The following GLP1R variants were observed in gnomAD, a reference collection of about 807,000 sequenced individuals.
GLP1R encodes the protein glucagon like peptide 1 receptor.
GLP1R carries 32 observed loss-of-function variants against 68.4 expected under a neutral mutation model. That is an observed-to-expected ratio of 0.47 (90% confidence interval 0.35 to 0.63). GLP1R has a LOEUF of 0.63. Among genes scored for constraint, GLP1R ranks in the 20% least tolerant of loss-of-function variants. The pLI is 0.00. For missense variants in GLP1R, 502 were observed against 594.9 expected (o/e 0.84, Z 1.62); for synonymous variants, 263 against 244.4 (o/e 1.08, Z -0.71).
At chr6:39,053,894 C>G (rs1229257791) in intron 1 of GLP1R, among the ~76,000 whole-genome samples, 2 of 152,126 alleles carry the variant, frequency 1.3e-5, no homozygotes, top group Non-Finnish European at 2.9e-5. Context: ...ACCACTCTCT[C>G]CCTGCCCCAA....
rs766554045 is a variant in GLP1R at position 39,079,065 on chromosome 6, T to A, written c.954+39T>A. 5.0e-6 allele frequency: 8 copies of A among 1,609,394 alleles called. No individual in the cohort carries two copies. Among genetic ancestry groups the A allele is most frequent in the Non-Finnish European group, 6.8e-6 (8 of 1,175,666 alleles). On this transcript the variant is annotated intron_variant, in intron 9 of 12. Transcript: ENST00000373256. The surrounding 1 kb of genome is among the most constrained non-coding windows in gnomAD (Gnocchi z 4.5). ...TCAGGGATGGGAGTGGCAGCTATGA[T>A]AGGGCTGGGCTGGTGCCCCCTGCCA...
rs764996147 is a variant in GLP1R at position 39,066,286 on chromosome 6, G to A, written c.492G>A (p.Ala164=). Residue 164 remains alanine (A), a synonymous_variant, in exon 5 of 13, where the codon GCG becomes GCA. Coordinates refer to ENST00000373256, the MANE Select transcript of GLP1R (RefSeq NM_002062.5). ...TCTCTGCTCTGGTTATCGCCTCTGC[G>A]ATCCTCCTCGGCTTCAGGTAAGGTG... ...LSFSALVIAS[A]ILLGFRHLHC... is the part of the protein sequence containing the mutation. The A allele has an allele frequency of 2.3e-5, 37 of 1,607,796 alleles. 1 individual carries two copies. Among genetic ancestry groups the A allele is most frequent in the South Asian group, 2.2e-4 (20 of 90,968 alleles).
intron 3 of GLP1R, among the ~76,000 whole-genome samples, chr6:39,060,884 C>A (rs1407514530): frequency 6.6e-6 from 1 of 152,132 alleles, no homozygotes. Flanking sequence ...GAAGGGGTAA[C>A]CCCCCTCCAT....
At position 39,066,073 on chromosome 6, in the gene GLP1R, G is replaced by A. The variant is rs1768502922; in HGVS notation, c.403-124G>A. 2.7e-5 allele frequency: 17 copies of A among 631,926 alleles called. No individual in the cohort carries two copies. In the South Asian group the frequency reaches 3.3e-4, roughly 12 times the overall value. 39.1% of individuals were successfully genotyped at this position (631,926 alleles called of 1,614,324 possible). A position where few individuals can be genotyped will look rare whatever the true frequency, so the allele number is the denominator to read the frequency against. On this transcript the variant is annotated intron_variant, in intron 4 of 12. Transcript: ENST00000373256. Reference sequence around the variant, plus strand: ...TAGGTTACGGTTATTCTCTTTCTTGGTCTTGGTATCCCCGGTGAGTCCTGA... The same window carrying A: ...TAGGTTACGGTTATTCTCTTTCTTGATCTTGGTATCCCCGGTGAGTCCTGA...
rs1768032592 is a variant in GLP1R at position 39,049,273 on chromosome 6, G to A, written c.78+355G>A. Among the ~76,000 whole-genome samples the A allele has an allele frequency of 1.3e-5, 2 of 152,188 alleles. No homozygotes were observed. Among genetic ancestry groups the A allele is most frequent in the African/African-American group, 4.8e-5 (2 of 41,526 alleles). ...CCAACTCCTTCTAAACCGTGTCAGC[G>A]GCCCTGGCACAGCCCGGCATCCTCC... On this transcript the variant is annotated intron_variant, in intron 1 of 12. Coordinates refer to ENST00000373256, the MANE Select transcript of GLP1R (RefSeq NM_002062.5). The surrounding 1 kb of genome is among the most constrained non-coding windows in gnomAD (Gnocchi z 4.5).
intron 12 of GLP1R, among the ~76,000 whole-genome samples, chr6:39,082,935 C>T (rs763059144): frequency 6.6e-6 from 1 of 152,144 alleles, no homozygotes. Context: ...TGGCTTCCCC[C>T]CCGCCATTGT....
At chr6:39,085,860 A>G (rs1203733174) in intron 12 of GLP1R, 46 bp from the exon 13 acceptor site, 1 of 1,593,346 alleles carries the variant, frequency 6.3e-7, no homozygotes, top group South Asian at 1.1e-5. Context: ...TTTGTTAGCC[A>G]TTGGTTTGCA....
Position 39,087,377 on chromosome 6 carries a change from G to A in GLP1R, c.*1304G>A, listed in dbSNP as rs1427127871. 1 of 152,276 alleles carries A rather than the reference G, an allele frequency of 6.6e-6. No homozygotes were observed. Among genetic ancestry groups the A allele is most frequent in the Non-Finnish European group, 1.5e-5 (1 of 68,090 alleles). The allele number at this position is 152,276 out of a possible 1,614,324, so 9.4% of individuals were successfully genotyped here. A position where few individuals can be genotyped will look rare whatever the true frequency, so the allele number is the denominator to read the frequency against. On this transcript the variant is annotated 3_prime_UTR_variant, in exon 13 of 13. Coordinates refer to ENST00000373256, the MANE Select transcript of GLP1R (RefSeq NM_002062.5). ...ACAAATAATGAACAGCAGAAAGACTGGACGGGGAAACCTATCAATCCTGCC... is the reference window on the plus strand; with the variant it reads ...ACAAATAATGAACAGCAGAAAGACTAGACGGGGAAACCTATCAATCCTGCC...
Position 39,088,673 on chromosome 6 carries a change from C to T in GLP1R, c.*2600C>T, listed in dbSNP as rs151091465. ...ATTTCAGTCTTTCAAGCAGCTGAAT[C>T]GCAGAACTGAAACAAAACACTTATA... On this transcript the variant is annotated 3_prime_UTR_variant, in exon 13 of 13. Coordinates refer to ENST00000373256, the MANE Select transcript of GLP1R (RefSeq NM_002062.5). Among the ~76,000 whole-genome samples the T allele has an allele frequency of 1.0e-3, 156 of 152,320 alleles. No individual in the cohort carries two copies. Among genetic ancestry groups the T allele is most frequent in the African/African-American group, 3.6e-3 (149 of 41,566 alleles).
rs200552677 is a variant in GLP1R, at chr6:39,073,756, G to C, written c.810G>C (p.Val270=). Reference sequence around the variant, plus strand: ...AGCAATGGATCTTCAGGCTCTACGTGAGCATAGGCTGGGGTAAGAACCGCC... The same window carrying C: ...AGCAATGGATCTTCAGGCTCTACGTCAGCATAGGCTGGGGTAAGAACCGCC... The part of the protein sequence containing the change: ...LSEQWIFRLY[V]SIGWGVPLLF... The change falls in exon 7 of 13, where the codon GTG becomes GTC. Residue 270 remains valine, a synonymous_variant. Coordinates refer to ENST00000373256, the MANE Select transcript of GLP1R (RefSeq NM_002062.5). The C allele has an allele frequency of 1.6e-5, 26 of 1,613,954 alleles. No individual in the cohort carries two copies. The highest frequency in any genetic ancestry group is 2.2e-5 in the Non-Finnish European group (26 of 1,179,946).
chr6:39,055,915 G>A (rs574926253), intron 1 of GLP1R, among the ~76,000 whole-genome samples: 2 of 152,164 alleles, frequency 1.3e-5, no homozygotes, highest in South Asian at 4.2e-4. Flanking sequence ...TGCTTCCTGG[G>A]GGGGCTGTGC....
chr6:39,056,387 C>T lies in GLP1R; in HGVS notation c.79-10C>T. The T allele has an allele frequency of 1.3e-6, 2 of 1,514,750 alleles. No homozygotes were observed. The highest frequency in any genetic ancestry group is 1.8e-6 in the Non-Finnish European group (2 of 1,090,692). 93.8% of individuals were successfully genotyped at this position (1,514,750 alleles called of 1,614,324 possible). A position where few individuals can be genotyped will look rare whatever the true frequency, so the allele number is the denominator to read the frequency against. ...AACCCACAGGCCTCCCATATATGCC[C>T]TCCCCCCAGGGTGCCACTGTGTCCC... On this transcript the variant is annotated splice_polypyrimidine_tract_variant and intron_variant, in intron 1 of 12. Transcript: ENST00000373256.
chr6:39,065,663 G>A, intron 3 of GLP1R, 48 bp from the exon 4 acceptor site: 2 of 1,218,786 alleles, frequency 1.6e-6, no homozygotes, highest in East Asian at 2.5e-5. Context: ...CACTGGGCAG[G>A]CTGCCCTATT....
At chr6:39,062,190 G>C (rs1029375602) in intron 3 of GLP1R, among the ~76,000 whole-genome samples, 2 of 152,194 alleles carry the variant, frequency 1.3e-5, no homozygotes, top group African/African-American at 2.4e-5. Context: ...TTTATTTCCA[G>C]CAGCAGGGTC....
intron 3 of GLP1R, among the ~76,000 whole-genome samples, chr6:39,064,776 T>G (rs1356954128): frequency 6.6e-6 from 1 of 152,220 alleles, no homozygotes; most frequent in African/African-American, 2.4e-5. Flanking sequence ...ATGCCCCGCC[T>G]TGCCTCTGCA....
chr6:39,059,543 G>A (rs1340282026), intron 3 of GLP1R, among the ~76,000 whole-genome samples: 1 of 152,156 alleles, frequency 6.6e-6, no homozygotes, highest in Non-Finnish European at 1.5e-5. Flanking sequence ...CTGACTAGCC[G>A]TGTAAGCAGG....
chr6:39,086,172 C>CAT lies in GLP1R; in HGVS notation c.*100_*101insTA. 1 of 334,010 alleles carries CAT rather than the reference C, an allele frequency of 3.0e-6. No individual in the cohort carries two copies. Among genetic ancestry groups the CAT allele is most frequent in the East Asian group, 5.3e-5 (1 of 18,860 alleles). The allele number at this position is 334,010 out of a possible 1,614,324, so 20.7% of individuals were successfully genotyped here. The stretch of plus-strand genomic sequence containing the variant: ...AGGGACAAGGGAAGGAAGGGACACA[C>CAT]ACACACACACACACACACACACACA... On this transcript the variant is annotated 3_prime_UTR_variant, in exon 13 of 13. Transcript: ENST00000373256. The surrounding 1 kb of genome is among the most constrained non-coding windows in gnomAD (Gnocchi z 4.5).
rs1396474849 is a variant in GLP1R, at chr6:39,089,299, CCTCT to C, written c.*3229_*3232del. Among the ~76,000 whole-genome samples the C allele has an allele frequency of 1.3e-5, 2 of 152,056 alleles. No homozygotes were observed. The highest frequency in any genetic ancestry group is 4.8e-5 in the African/African-American group (2 of 41,394). On this transcript the variant is annotated 3_prime_UTR_variant, in exon 13 of 13. Transcript: ENST00000373256. This position sits in a 1 kb window ranked among gnomAD's most constrained non-coding sequence, Gnocchi z 4.1. ...ATTGGCTTAATTTTTTTTTCTGATG[CCTCT>C]CTATGTGTTTGAAAAGTTGTATTGA... is the stretch of plus-strand genomic sequence containing the variant.
At chr6:39,063,937 ACACACACACACACACACACACACACC>A (rs2150826392) in intron 3 of GLP1R, among the ~76,000 whole-genome samples, 1 of 141,350 alleles carries the variant, frequency 7.1e-6, no homozygotes, top group South Asian at 2.4e-4. Flanking sequence ...ACACACACAC[ACACACACACACACACACACACACACC>A]CCACATTAAT....
Sources: allele counts gnomAD v4.1 joint callset (sites outside exome capture counted in the v4.1 genomes callset), GRCh38; gene constraint gnomAD v4.1.1; non-coding constraint Gnocchi (gnomAD v3.1); transcripts MANE v1.5; gene names NCBI Gene and HGNC (gene_info 2026-07-23, HGNC 2026-07-21).